Variants in UNC5D observed in about 807,000 individuals in gnomAD.
The protein encoded by UNC5D is unc-5 netrin receptor D.
UNC5D carries 39 observed loss-of-function variants against 105.4 expected under a neutral mutation model. The ratio of observed to expected loss-of-function variants is 0.37; its 90% CI spans 0.29 to 0.48. The LOEUF (loss-of-function observed/expected upper bound fraction) is 0.48. UNC5D is among the 20% of genes least tolerant of loss of function. The pLI, the probability that UNC5D is intolerant of heterozygous loss-of-function variation, is 0.98. For missense variants in UNC5D, 991 were observed against 1,202.4 expected, an observed-to-expected ratio of 0.82 and a Z score of 2.60; for synonymous variants, 452 against 450.4, an observed-to-expected ratio of 1.00 and a Z score of -0.04.
intron 4 of UNC5D, among the ~76,000 whole-genome samples, chr8:35,636,059 A>G (rs989738385): frequency 1.3e-5 from 2 of 152,202 alleles, no homozygotes; most frequent in Admixed American, 1.3e-4. Flanking sequence ...ACAATGGCAC[A>G]ACCTCAGAGT....
chr8:35,726,341 G>C lies in UNC5D; in HGVS notation c.1493G>C (p.Arg498Thr), dbSNP rs765079290. Residue 498 changes from arginine to threonine, a missense_variant, in exon 10 of 17, where the codon AGA (arginine) becomes ACA (threonine). Arg to Thr is a moderately conservative substitution (Grantham distance 71). Coordinates refer to ENST00000404895, the MANE Select transcript of UNC5D (RefSeq NM_080872.4). Reference sequence around the variant, plus strand: ...ATGGTTTCCCTGGGAGTGTCTGAGAGAGCTGAGTACCACGGCAAGAATCAT... The same window carrying C: ...ATGGTTTCCCTGGGAGTGTCTGAGACAGCTGAGTACCACGGCAAGAATCAT... ...SFMVSLGVSE[R>T]AEYHGKNHSR... 6 of 1,614,002 alleles carry C rather than the reference G, an allele frequency of 3.7e-6. No homozygotes were observed. Among genetic ancestry groups the C allele is most frequent in the Non-Finnish European group, 5.1e-6 (6 of 1,180,022 alleles).
chr8:35,487,635 C>T (rs1810921684), intron 1 of UNC5D, among the ~76,000 whole-genome samples: 1 of 151,768 alleles, frequency 6.6e-6, no homozygotes, highest in African/African-American at 2.4e-5. Flanking sequence ...GAATCCTGCT[C>T]ATACAGATTT....
intron 3 of UNC5D, among the ~76,000 whole-genome samples, chr8:35,573,974 C>T (rs1468095899): frequency 6.6e-6 from 1 of 152,200 alleles, no homozygotes; most frequent in East Asian, 1.9e-4. Flanking sequence ...AAGTCTATCT[C>T]TAGGGAACAA....
intron 1 of UNC5D, among the ~76,000 whole-genome samples, chr8:35,310,688 C>T (rs1808808968): frequency 6.6e-6 from 1 of 151,952 alleles, no homozygotes; most frequent in South Asian, 2.1e-4. Context: ...TAAGGCAAAG[C>T]ACATTCTAGA....
At chr8:35,328,698 C>T in intron 1 of UNC5D, among the ~76,000 whole-genome samples, 1 of 152,084 alleles carries the variant, frequency 6.6e-6, no homozygotes, top group East Asian at 1.9e-4. Flanking sequence ...TCAGACATCA[C>T]ATATAAACTT....
At chr8:35,252,020 T>C (rs1425763407) in intron 1 of UNC5D, among the ~76,000 whole-genome samples, 3 of 113,780 alleles carry the variant, frequency 2.6e-5, no homozygotes, top group South Asian at 5.8e-4. Flanking sequence ...CCAATGGTTC[T>C]TTTTTTTTTT....
intron 4 of UNC5D, among the ~76,000 whole-genome samples, chr8:35,652,821 T>TCC (rs1823504308): frequency 6.6e-6 from 1 of 151,872 alleles, no homozygotes; most frequent in Non-Finnish European, 1.5e-5. Context: ...GCCTGTATTC[T>TCC]CTTGATCTCA....
At chr8:35,571,238 TA>T (rs1817698495) in intron 3 of UNC5D, among the ~76,000 whole-genome samples, 1 of 152,196 alleles carries the variant, frequency 6.6e-6, no homozygotes, top group Non-Finnish European at 1.5e-5. Context: ...TTTAGAGATT[TA>T]AAAACTATTT....
chr8:35,259,178 G>A (rs1259687378), intron 1 of UNC5D, among the ~76,000 whole-genome samples: 1 of 152,162 alleles, frequency 6.6e-6, no homozygotes, highest in Non-Finnish European at 1.5e-5. Flanking sequence ...GGGTGGAGAA[G>A]GCAGAGAGAA....
chr8:35,257,160 C>T (rs535382703), intron 1 of UNC5D, among the ~76,000 whole-genome samples: 5 of 151,892 alleles, frequency 3.3e-5, no homozygotes, highest in African/African-American at 1.2e-4. Context: ...GTAGTAGAGA[C>T]GGGGTTTCAC....
Position 35,792,808 on chromosome 8 carries a change from G to A in UNC5D, c.*2245G>A. On this transcript the variant is annotated 3_prime_UTR_variant, in exon 17 of 17. Coordinates refer to ENST00000404895, the MANE Select transcript of UNC5D (RefSeq NM_080872.4). ...GCATTATAATTGTTTCATCTACTCT[G>A]TGAATCTACATAGGTCTTTTTTTTT... is the stretch of plus-strand genomic sequence containing the variant. 3 of 323,294 alleles carry A rather than the reference G, an allele frequency of 9.3e-6. No homozygotes were observed. The highest frequency in any genetic ancestry group is 7.7e-5 in the South Asian group (3 of 38,762). The allele number at this position is 323,294 out of a possible 1,614,324, so 20.0% of individuals were successfully genotyped here. A position where few individuals can be genotyped will look rare whatever the true frequency, so the allele number is the denominator to read the frequency against.
At position 35,672,911 on chromosome 8, in the gene UNC5D, G is replaced by A. The variant is rs1824921151; in HGVS notation, c.571-10636G>A. The stretch of plus-strand genomic sequence containing the variant: ...GGGAAAGTAAAGGACAACACTATCT[G>A]ACAAGAGACACACAATGTCAGAACG... On this transcript the variant is annotated intron_variant, in intron 4 of 16. Coordinates refer to ENST00000404895, the MANE Select transcript of UNC5D (RefSeq NM_080872.4). Among the ~76,000 whole-genome samples, 3 of 152,248 alleles carry A rather than the reference G, an allele frequency of 2.0e-5. No individual in the cohort carries two copies. In the South Asian group the frequency reaches 6.2e-4, roughly 32 times the overall value.
chr8:35,646,966 G>A (rs1271553513), intron 4 of UNC5D, among the ~76,000 whole-genome samples: 1 of 152,060 alleles, frequency 6.6e-6, no homozygotes, highest in Non-Finnish European at 1.5e-5. Flanking sequence ...CCACCTAAAG[G>A]TAACACATTT....
At chr8:35,473,174 G>C (rs1809858185) in intron 1 of UNC5D, among the ~76,000 whole-genome samples, 1 of 152,170 alleles carries the variant, frequency 6.6e-6, no homozygotes, top group South Asian at 2.1e-4. Flanking sequence ...CAATGCAGGA[G>C]AAATGAGAGA....
intron 1 of UNC5D, chr8:35,256,420 A>G (rs1391949595): frequency 6.6e-6 from 1 of 152,160 alleles, no homozygotes; most frequent in Non-Finnish European, 1.5e-5. Context: ...TGCACCCATT[A>G]ACCCGTCATC....
At chr8:35,250,919 A>G (rs1157640794) in intron 1 of UNC5D, among the ~76,000 whole-genome samples, 1 of 152,114 alleles carries the variant, frequency 6.6e-6, no homozygotes, top group Non-Finnish European at 1.5e-5. Flanking sequence ...AACATGCAGT[A>G]TTTGGTTTTC....
At chr8:35,575,435 C>T (rs1014570745) in intron 3 of UNC5D, among the ~76,000 whole-genome samples, 2 of 152,052 alleles carry the variant, frequency 1.3e-5, no homozygotes, top group Non-Finnish European at 2.9e-5. Context: ...CAGATAAGGG[C>T]CAACTTTGTC....
chr8:35,249,559 AAATAATAATAATAAT>A (rs148177480), intron 1 of UNC5D, among the ~76,000 whole-genome samples: 6,990 of 142,560 alleles, frequency 0.049, 201 homozygotes, highest in African/African-American at 0.076. Flanking sequence ...CTCTGTCTCA[AAATAATAATAATAAT>A]AATAATAATA....
At chr8:35,237,460 G>T (rs1036135834) in intron 1 of UNC5D, among the ~76,000 whole-genome samples, 6 of 151,994 alleles carry the variant, frequency 3.9e-5, no homozygotes, top group Non-Finnish European at 7.4e-5. Flanking sequence ...CTATTCGTGT[G>T]GAATACCTCA....
Sources: gnomAD v4.1 joint callset for allele counts (sites outside exome capture counted in the v4.1 genomes callset) on GRCh38, gnomAD v4.1.1 for gene constraint, MANE v1.5 for transcripts, NCBI Gene and HGNC (gene_info 2026-07-23, HGNC 2026-07-21) for gene names.